Variants in NOL4 observed in about 807,000 individuals in gnomAD.
The protein encoded by NOL4 is cancer/testis antigen 125.
NOL4 carries 17 observed loss-of-function variants against 75.9 expected under a neutral mutation model. The ratio of observed to expected loss-of-function variants is 0.22; its 90% CI spans 0.15 to 0.34. NOL4 has a LOEUF of 0.34. Among genes scored for constraint, NOL4 ranks in the 10% least tolerant of loss-of-function variants. The probability of loss-of-function intolerance (pLI) is 1.00; values close to 1 mark genes in which losing one functional copy is unlikely to be tolerated. For synonymous variants in NOL4, 292 were observed against 289.9 expected, an observed-to-expected ratio of 1.01 and a Z score of -0.07; for missense variants, 614 against 793.5, an observed-to-expected ratio of 0.77 and a Z score of 2.72.
At chr18:33,908,934 A>G (rs978425181) in intron 9 of NOL4, among the ~76,000 whole-genome samples, 1 of 152,114 alleles carries the variant, frequency 6.6e-6, no homozygotes, top group Admixed American at 6.6e-5. Flanking sequence ...TTAGCCCTAT[A>G]AAGTGTTCTG....
chr18:33,924,748 AT>A (rs2067229904), intron 9 of NOL4, among the ~76,000 whole-genome samples: 1 of 152,222 alleles, frequency 6.6e-6, no homozygotes, highest in Non-Finnish European at 1.5e-5. Context: ...AATATAATTA[AT>A]TACTAAAATA....
intron 1 of NOL4, among the ~76,000 whole-genome samples, chr18:34,170,102 G>A (rs780090624): frequency 6.6e-6 from 1 of 151,910 alleles, no homozygotes; most frequent in Non-Finnish European, 1.5e-5. Flanking sequence ...TTTCCAACCA[G>A]TAGTCAGTAG....
At chr18:33,927,471 G>A (rs1157255469) in intron 9 of NOL4, among the ~76,000 whole-genome samples, 6 of 152,208 alleles carry the variant, frequency 3.9e-5, no homozygotes, top group Admixed American at 3.9e-4. Context: ...GGTGTAAATA[G>A]GAACAAGTAC....
At chr18:34,097,608 G>A (rs1186909322) in intron 4 of NOL4, among the ~76,000 whole-genome samples, 2 of 152,156 alleles carry the variant, frequency 1.3e-5, no homozygotes, top group Non-Finnish European at 2.9e-5. Context: ...TGGTTAGTGT[G>A]ACTTAAGACC....
chr18:34,125,763 G>A (rs2080356512), intron 2 of NOL4, among the ~76,000 whole-genome samples: 1 of 151,988 alleles, frequency 6.6e-6, no homozygotes, highest in East Asian at 1.9e-4. Context: ...TAAAAAAAGA[G>A]ACAATTTTAT....
At chr18:33,858,559 C>G (rs2062939592) in intron 10 of NOL4, among the ~76,000 whole-genome samples, 1 of 151,894 alleles carries the variant, frequency 6.6e-6, no homozygotes, top group Non-Finnish European at 1.5e-5. Context: ...AAATATCACA[C>G]TAAATATACA....
intron 1 of NOL4, among the ~76,000 whole-genome samples, chr18:34,141,485 G>GAT (rs2081159751): frequency 6.6e-6 from 1 of 152,064 alleles, no homozygotes; most frequent in South Asian, 2.1e-4. Context: ...CCAAAACAGA[G>GAT]ATATAGACCA....
intron 1 of NOL4, among the ~76,000 whole-genome samples, chr18:34,187,384 T>TTG (rs2034554327): frequency 7.0e-6 from 1 of 143,690 alleles, no homozygotes; most frequent in African/African-American, 2.6e-5. Flanking sequence ...TTTTTTTTTT[T>TTG]TTTTTTTTTT....
chr18:34,082,529 T>C (rs2078058874), intron 5 of NOL4, among the ~76,000 whole-genome samples: 1 of 152,188 alleles, frequency 6.6e-6, no homozygotes, highest in Admixed American at 6.5e-5. Flanking sequence ...TTTGATTTTA[T>C]ATGGTTGAAT....
intron 9 of NOL4, among the ~76,000 whole-genome samples, chr18:33,940,172 T>C (rs2068368379): frequency 6.6e-6 from 1 of 152,012 alleles, no homozygotes; most frequent in Non-Finnish European, 1.5e-5. Context: ...GAACCAGAAA[T>C]ACCATTTGAC....
intron 2 of NOL4, among the ~76,000 whole-genome samples, chr18:34,108,908 A>G (rs2079448738): frequency 6.6e-6 from 1 of 152,196 alleles, no homozygotes; most frequent in Non-Finnish European, 1.5e-5. Context: ...ACTCACGTGA[A>G]CAGGGAAGAA....
chr18:34,164,188 C>T (rs1378442036), intron 1 of NOL4, among the ~76,000 whole-genome samples: 2 of 152,070 alleles, frequency 1.3e-5, no homozygotes, highest in Non-Finnish European at 2.9e-5. Flanking sequence ...TGGGCAAGGA[C>T]TTCATGTCTA....
chr18:34,173,347 T>C (rs776667998), intron 1 of NOL4, among the ~76,000 whole-genome samples: 2 of 152,080 alleles, frequency 1.3e-5, no homozygotes, highest in Non-Finnish European at 2.9e-5. Context: ...TTAACAATAC[T>C]GTATTATTTG....
chr18:33,950,251 G>T (rs551467119), intron 8 of NOL4, among the ~76,000 whole-genome samples: 248 of 151,018 alleles, frequency 1.6e-3, no homozygotes, highest in African/African-American at 5.7e-3. Context: ...AGTTTAAAAA[G>T]AGTTAAAATT....
intron 6 of NOL4, among the ~76,000 whole-genome samples, chr18:33,963,610 T>C (rs1399722384): frequency 6.6e-6 from 1 of 152,200 alleles, no homozygotes; most frequent in Non-Finnish European, 1.5e-5. Context: ...ATTTAGGCTC[T>C]ATGGAAGATG....
chr18:34,088,787 G>T (rs1375638898), intron 5 of NOL4, among the ~76,000 whole-genome samples: 1 of 152,086 alleles, frequency 6.6e-6, no homozygotes, highest in South Asian at 2.1e-4. Flanking sequence ...TTTATGCGAA[G>T]ATTCAGTTTC....
At chr18:34,024,486 A>T (rs2075246848) in intron 5 of NOL4, among the ~76,000 whole-genome samples, 1 of 152,012 alleles carries the variant, frequency 6.6e-6, no homozygotes, top group African/African-American at 2.4e-5. Flanking sequence ...TTTGAAATCT[A>T]ATTGCAAAAT....
intron 9 of NOL4, among the ~76,000 whole-genome samples, chr18:33,903,241 C>G (rs892293465): frequency 1.3e-5 from 2 of 152,068 alleles, no homozygotes; most frequent in East Asian, 3.9e-4. Context: ...AGAGAGTGCA[C>G]AGGGGGAAAC....
At chr18:34,014,358 C>A (rs529672602) in intron 6 of NOL4, among the ~76,000 whole-genome samples, 4 of 151,886 alleles carry the variant, frequency 2.6e-5, no homozygotes, top group Non-Finnish European at 5.9e-5. Flanking sequence ...ACAATAATCA[C>A]GTGCCCACCG....
Sources: allele counts gnomAD v4.1 joint callset (sites outside exome capture counted in the v4.1 genomes callset), GRCh38; gene constraint gnomAD v4.1.1; transcripts MANE v1.5; gene names NCBI Gene and HGNC (gene_info 2026-07-23, HGNC 2026-07-21).